The following HMGA2 variants were observed in gnomAD, a reference collection of about 807,000 sequenced individuals.
The protein encoded by HMGA2 is high mobility group AT-hook 2.
Under a neutral mutation model 19.1 loss-of-function variants are expected in HMGA2, and 8 were observed. The ratio of observed to expected loss-of-function variants is 0.42; its 90% confidence interval spans 0.25 to 0.76. HMGA2 has a LOEUF of 0.76. Ranked by LOEUF, HMGA2 falls within the 30% of genes least tolerant of loss-of-function variation. The pLI, the probability that HMGA2 is intolerant of heterozygous loss-of-function variation, is 0.28. For synonymous variants in HMGA2, 60 were observed against 48.8 expected (o/e 1.23, Z -0.96); for missense variants, 109 against 136.3 (o/e 0.80, Z 1.00).
chr12:65,901,044 G>A (rs1261740737), intron 3 of HMGA2, among the ~76,000 whole-genome samples: 1 of 152,148 alleles, frequency 6.6e-6, no homozygotes, highest in Non-Finnish European at 1.5e-5. Context: ...CATATTATGT[G>A]TGGTATGCCA....
chr12:65,888,660 T>C (rs1249081648), intron 3 of HMGA2, among the ~76,000 whole-genome samples: 1 of 133,854 alleles, frequency 7.5e-6, no homozygotes, highest in Non-Finnish European at 1.6e-5. Context: ...GCCTCCCGGG[T>C]TCATGCCATT....
intron 3 of HMGA2, among the ~76,000 whole-genome samples, chr12:65,904,236 C>G (rs976402111): frequency 8.5e-5 from 13 of 152,220 alleles, no homozygotes; most frequent in African/African-American, 2.9e-4. Context: ...TGCTTCCACC[C>G]AGTGTGTTCC....
chr12:65,926,575 T>C (rs1397069380), intron 3 of HMGA2, among the ~76,000 whole-genome samples: 1 of 152,264 alleles, frequency 6.6e-6, no homozygotes, highest in Non-Finnish European at 1.5e-5. Flanking sequence ...TGCAAGTGTA[T>C]TGATTTAGAC....
chr12:65,952,628 T>A, intron 4 of HMGA2: 1 of 650,252 alleles, frequency 1.5e-6, no homozygotes, highest in Non-Finnish European at 2.3e-6. Flanking sequence ...AAGCAATATT[T>A]AAAAATATAT....
At chr12:65,917,432 T>A (rs1875144519) in intron 3 of HMGA2, among the ~76,000 whole-genome samples, 1 of 152,188 alleles carries the variant, frequency 6.6e-6, no homozygotes, top group Non-Finnish European at 1.5e-5. Context: ...GGATCTGGTC[T>A]GGATTGTTTC....
At chr12:65,952,813 T>C (rs1876501583) in intron 4 of HMGA2, 1 of 171,572 alleles carries the variant, frequency 5.8e-6, no homozygotes, top group Non-Finnish European at 1.3e-5. Flanking sequence ...GATTAATCAC[T>C]TTATGTGGTT....
intron 3 of HMGA2, among the ~76,000 whole-genome samples, chr12:65,861,552 C>G (rs1872069185): frequency 6.8e-6 from 1 of 147,370 alleles, no homozygotes; most frequent in African/African-American, 2.5e-5. Context: ...AAATAAATTA[C>G]TTTTCTTTTT....
chr12:65,959,832 T>A (rs922636076), intron 4 of HMGA2, among the ~76,000 whole-genome samples: 3 of 152,208 alleles, frequency 2.0e-5, no homozygotes, highest in African/African-American at 4.8e-5. Flanking sequence ...AGCAATTTTT[T>A]AAAAACATGT....
intron 3 of HMGA2, among the ~76,000 whole-genome samples, chr12:65,929,756 A>G (rs1264929438): frequency 6.6e-6 from 1 of 152,182 alleles, no homozygotes. Flanking sequence ...ATTTTAAACT[A>G]AATTCAACTG....
intron 2 of HMGA2, 124 bp from the exon 3 acceptor site, chr12:65,838,395 A>C: frequency 3.7e-6 from 2 of 542,308 alleles, no homozygotes; most frequent in South Asian, 2.6e-5. Context: ...AAAAAAAACA[A>C]AAAAAAAAAA....
intron 3 of HMGA2, among the ~76,000 whole-genome samples, chr12:65,904,495 T>G (rs376242308): frequency 1.3e-5 from 2 of 152,178 alleles, no homozygotes; most frequent in African/African-American, 4.8e-5. Flanking sequence ...CTTTAACTGA[T>G]TTTTTTGCTG....
chr12:65,960,031 A>T (rs1234066685), intron 4 of HMGA2, among the ~76,000 whole-genome samples: 1 of 152,144 alleles, frequency 6.6e-6, no homozygotes, highest in Non-Finnish European at 1.5e-5. Context: ...CTGGGACTTC[A>T]GGTGCCCGCC....
chr12:65,857,759 A>G (rs1383007307), intron 3 of HMGA2: 1 of 152,206 alleles, frequency 6.6e-6, no homozygotes, highest in Non-Finnish European at 1.5e-5. Context: ...ACTTTTATAT[A>G]TGTGATTCCA....
At chr12:65,840,262 T>C (rs916945898) in intron 3 of HMGA2, among the ~76,000 whole-genome samples, 2 of 152,164 alleles carry the variant, frequency 1.3e-5, no homozygotes, top group Non-Finnish European at 2.9e-5. Flanking sequence ...TTATTATGCA[T>C]ATGGATTCTT....
chr12:65,891,722 G>T (rs1354923284), intron 3 of HMGA2, among the ~76,000 whole-genome samples: 1 of 152,198 alleles, frequency 6.6e-6, no homozygotes. Context: ...ACTAGCTTGG[G>T]TTCCAGCCCC....
intron 3 of HMGA2, among the ~76,000 whole-genome samples, chr12:65,906,819 T>C (rs1874610808): frequency 6.6e-6 from 1 of 152,178 alleles, no homozygotes; most frequent in Non-Finnish European, 1.5e-5. Flanking sequence ...TTTGTTTAGA[T>C]TGTACGTTCT....
chr12:65,914,760 C>T (rs1403982772), intron 3 of HMGA2: 2 of 373,110 alleles, frequency 5.4e-6, no homozygotes, highest in East Asian at 1.1e-4. Context: ...TTGCAACCTC[C>T]ACCTCCCAGG....
At chr12:65,873,235 C>T (rs1304251850) in intron 3 of HMGA2, among the ~76,000 whole-genome samples, 1 of 152,158 alleles carries the variant, frequency 6.6e-6, no homozygotes, top group Admixed American at 6.5e-5. Flanking sequence ...TAGTGTGTGT[C>T]TTATAAAAAG....
At position 65,917,427 on chromosome 12, in the gene HMGA2, T is replaced by C. The variant is rs35461281; in HGVS notation, c.250-33956T>C. Among the ~76,000 whole-genome samples, 245 of 152,338 alleles carry C rather than the reference T, an allele frequency of 1.6e-3. 1 individual carries two copies. Among genetic ancestry groups the C allele is most frequent in the African/African-American group, 4.5e-3 (189 of 41,588 alleles). ...GTGAAACCAGGGCCTAATCTGGATC[T>C]GGTCTGGATTGTTTCCTCCATGCTC... On this transcript the variant is annotated intron_variant, in intron 3 of 4. Transcript: ENST00000403681.
Sources: allele counts gnomAD v4.1 joint callset (sites outside exome capture counted in the v4.1 genomes callset), GRCh38; gene constraint gnomAD v4.1.1; transcripts MANE v1.5; gene names NCBI Gene and HGNC (gene_info 2026-07-23, HGNC 2026-07-21).